Variants in SEH1L observed in about 807,000 individuals in gnomAD.
SEH1L encodes the protein nucleoporin SEH1.
SEH1L carries 18 observed loss-of-function variants against 49.5 expected under a neutral mutation model. That is an observed-to-expected ratio of 0.36 (90% CI 0.25 to 0.54). The LOEUF is 0.54. Ranked by LOEUF, SEH1L falls within the 20% of genes least tolerant of loss-of-function variation. SEH1L has a pLI of 0.87. For missense variants in SEH1L, 404 were observed against 528.8 expected (o/e 0.76, Z 2.31); for synonymous variants, 169 against 178.1 (o/e 0.95, Z 0.41).
At chr18:12,971,435 C>A in intron 5 of SEH1L, 184 bp downstream of exon 5, 1 of 421,892 alleles carries the variant, frequency 2.4e-6, no homozygotes, top group South Asian at 2.9e-5. Flanking sequence ...AGAAAGTAGA[C>A]CAGCCTGGCC....
chr18:12,980,353 G>A (rs1598977632), intron 6 of SEH1L, among the ~76,000 whole-genome samples: 2 of 117,986 alleles, frequency 1.7e-5, no homozygotes, highest in African/African-American at 3.2e-5. Flanking sequence ...CGGACAGGGC[G>A]GCTGGCAGGG....
At position 12,985,020 on chromosome 18, in the gene SEH1L, G is replaced by A. The variant is rs7359710; in HGVS notation, c.1070+830G>A. 15 of 413,448 alleles carry A rather than the reference G, an allele frequency of 3.6e-5. No individual in the cohort carries two copies. The South Asian group carries it at 1.1e-3, about 30-fold the overall frequency. The allele number at this position is 413,448 out of a possible 1,614,324, so 25.6% of individuals were successfully genotyped here. On this transcript the variant is annotated intron_variant, in intron 8 of 8. Transcript: ENST00000399892. ...AAGTACATGCATCAAAACAATTTCAGGTTACCGTGGAAGATACCAGATTAT... is the reference window on the plus strand; with the variant it reads ...AAGTACATGCATCAAAACAATTTCAAGTTACCGTGGAAGATACCAGATTAT...
At chr18:12,957,652 G>GT (rs1446870767) in intron 3 of SEH1L, among the ~76,000 whole-genome samples, 5 of 152,012 alleles carry the variant, frequency 3.3e-5, no homozygotes, top group Non-Finnish European at 7.4e-5. Context: ...TTTATGATTT[G>GT]TTTTTTGTAA....
chr18:12,953,664 C>G (rs7237381), intron 2 of SEH1L, among the ~76,000 whole-genome samples: 7,508 of 152,210 alleles, frequency 0.049, 504 homozygotes, highest in African/African-American at 0.16. Context: ...GGTCCCCCCC[C>G]CTTTTAAGGT....
intron 3 of SEH1L, among the ~76,000 whole-genome samples, chr18:12,956,919 T>G (rs897592110): frequency 6.6e-5 from 10 of 152,066 alleles, no homozygotes; most frequent in Non-Finnish European, 2.9e-5. Context: ...TACAAAAAAT[T>G]AGCCCGGCAT....
At chr18:12,986,379 G>A (rs1475304965) in intron 8 of SEH1L, 1 of 985,408 alleles carries the variant, frequency 1.0e-6, no homozygotes, top group Non-Finnish European at 1.2e-6. Flanking sequence ...TTCTTCAAAA[G>A]CATGTTGCAG....
chr18:12,980,085 A>AC (rs367997247), intron 6 of SEH1L, among the ~76,000 whole-genome samples: 11 of 51,190 alleles, frequency 2.1e-4, no homozygotes, highest in South Asian at 1.0e-3. Flanking sequence ...CGGGGGGCTG[A>AC]CCCCCCCCCA....
At position 12,955,580 on chromosome 18, in the gene SEH1L, A is replaced by G; in HGVS notation, c.280A>G (p.Asn94Asp). ...ATGGGAAGAAATAGTAGGAGAATCA[A>G]ATGATAAACTGCGAGGACAGAGCCA... ...AVWEEIVGES[N>D]DKLRGQSHWV... is the part of the protein sequence containing the mutation. The change falls in exon 3 of 9, where the codon AAT becomes GAT. Residue 94 changes from asparagine (N) to aspartate (D), a missense_variant. Coordinates refer to ENST00000399892, the MANE Select transcript of SEH1L (RefSeq NM_001013437.2). 2 of 1,614,156 alleles carry G rather than the reference A, an allele frequency of 1.2e-6. No homozygotes were observed. The highest frequency in any genetic ancestry group is 1.7e-6 in the Non-Finnish European group (2 of 1,180,014).
intron 5 of SEH1L, 106 bp from the exon 6 acceptor site, chr18:12,978,646 G>A: frequency 1.1e-6 from 1 of 869,650 alleles, no homozygotes; most frequent in Non-Finnish European, 1.8e-6. Context: ...ACAGAGGTGA[G>A]CACTACATGA....
intron 5 of SEH1L, chr18:12,972,915 TG>T (rs1331001478): frequency 5.9e-5 from 9 of 152,158 alleles, no homozygotes; most frequent in African/African-American, 1.9e-4. Flanking sequence ...ACGTAAAAGG[TG>T]TATCATTGGC....
At chr18:12,961,118 A>G (rs1221933717) in intron 3 of SEH1L, among the ~76,000 whole-genome samples, 1 of 152,146 alleles carries the variant, frequency 6.6e-6, no homozygotes, top group Admixed American at 6.5e-5. Flanking sequence ...GCAGTGGCCC[A>G]CTAGTGCCTG....
chr18:12,969,899 G>A (rs1433039594), intron 4 of SEH1L, among the ~76,000 whole-genome samples: 1 of 151,646 alleles, frequency 6.6e-6, no homozygotes, highest in African/African-American at 2.4e-5. Flanking sequence ...CAAAAAAACA[G>A]GAAAAAAACG....
intron 5 of SEH1L, chr18:12,974,374 G>C (rs1392164586): frequency 6.6e-6 from 1 of 152,094 alleles, no homozygotes; most frequent in East Asian, 1.9e-4. Flanking sequence ...TTGCCTCCCG[G>C]GTTCAAGCGA....
chr18:12,962,459 CTTTTTTTTTTTTT>C (rs3070220), intron 3 of SEH1L, among the ~76,000 whole-genome samples: 2 of 63,662 alleles, frequency 3.1e-5, no homozygotes, highest in African/African-American at 6.7e-5. Context: ...GCATGCCTTT[CTTTTTTTTTTTTT>C]TTTTTTTTTT....
intron 1 of SEH1L, among the ~76,000 whole-genome samples, chr18:12,949,026 T>C (rs540433874): frequency 6.6e-6 from 1 of 151,412 alleles, no homozygotes; most frequent in Non-Finnish European, 1.5e-5. Flanking sequence ...ATCTTTTTTT[T>C]TTTTTGTATT....
chr18:12,969,602 C>T (rs1297014372), intron 4 of SEH1L, among the ~76,000 whole-genome samples: 2 of 151,712 alleles, frequency 1.3e-5, no homozygotes, highest in Non-Finnish European at 2.9e-5. Context: ...GCACGAGAAT[C>T]GCTTGAATCC....
intron 3 of SEH1L, among the ~76,000 whole-genome samples, chr18:12,961,121 A>G (rs2031154883): frequency 6.6e-6 from 1 of 152,120 alleles, no homozygotes; most frequent in Non-Finnish European, 1.5e-5. Context: ...GTGGCCCACT[A>G]GTGCCTGGGA....
intron 5 of SEH1L, chr18:12,977,090 G>C (rs1169631837): frequency 6.6e-6 from 1 of 152,332 alleles, no homozygotes; most frequent in African/African-American, 2.4e-5. Context: ...CAAGGATGTG[G>C]ATGAGATTGC....
At chr18:12,975,282 G>A (rs1255326747) in intron 5 of SEH1L, among the ~76,000 whole-genome samples, 5 of 151,838 alleles carry the variant, frequency 3.3e-5, no homozygotes, top group Admixed American at 1.3e-4. Context: ...GTGAGCCACC[G>A]TGCCCAGCCA....
Sources: gnomAD v4.1 joint callset for allele counts (sites outside exome capture counted in the v4.1 genomes callset) on GRCh38, gnomAD v4.1.1 for gene constraint, MANE v1.5 for transcripts, NCBI Gene and HGNC (gene_info 2026-07-23, HGNC 2026-07-21) for gene names.